KCNK16: variants seen among roughly 807,000 people sequenced by gnomAD.
KCNK16 encodes the protein potassium two pore domain channel subfamily K member 16.
In KCNK16, 23 loss-of-function variants were observed where a neutral mutation model predicts 23.0. The observed-to-expected ratio is 1.00, with a 90% CI of 0.72 to 1.41. The LOEUF (loss-of-function observed/expected upper bound fraction) is 1.41, where lower values mean the gene tolerates loss of function less well. Among genes scored for constraint, KCNK16 ranks in the 40% most tolerant of loss-of-function variants. The pLI, the probability that KCNK16 is intolerant of heterozygous loss-of-function variation, is 0.00. For missense variants in KCNK16, 327 were observed against 365.8 expected, an observed-to-expected ratio of 0.89 and a Z score of 0.87; for synonymous variants, 145 against 153.5, an observed-to-expected ratio of 0.94 and a Z score of 0.41.
At chr6:39,314,832 T>G, downstream of KCNK16, 1 of 680,578 alleles carries the variant, frequency 1.5e-6, no homozygotes, top group Non-Finnish European at 2.5e-6. Flanking sequence ...GTCCTTTCCT[T>G]TGTACCCCAA....
downstream of KCNK16, chr6:39,315,301 C>T: frequency 6.4e-7 from 1 of 1,560,336 alleles, no homozygotes; most frequent in African/African-American, 1.4e-5. Context: ...CTGAGAGAGG[C>T]CAGACGTTCA....
intron 3 of KCNK16, 21 bp downstream of exon 3, chr6:39,317,765 T>A (rs1050368619): frequency 9.7e-6 from 15 of 1,553,214 alleles, no homozygotes; most frequent in Non-Finnish European, 1.3e-5. Flanking sequence ...AGCAGGCCTG[T>A]AAGGGAGTTA....
chr6:39,316,453 AG>A lies in KCNK16; in HGVS notation c.662-12del, dbSNP rs1232411223. 1 of 1,589,436 alleles carries A rather than the reference AG, an allele frequency of 6.3e-7. No individual in the cohort carries two copies. The highest frequency in any genetic ancestry group is 8.6e-7 in the Non-Finnish European group (1 of 1,163,842). ...TGCTGGGGTCTGTGCCTGCCAGGGA[AG>A]GGAATGGCATCAATGCCAGGGGTCT... is the stretch of plus-strand genomic sequence containing the variant. On this transcript the variant is annotated splice_polypyrimidine_tract_variant and intron_variant, in intron 4 of 4. Transcript: ENST00000437525.
chr6:39,316,091 C>T, downstream of KCNK16: 3 of 1,345,894 alleles, frequency 2.2e-6, no homozygotes, highest in Non-Finnish European at 2.9e-6. Context: ...CTTGGGAGAG[C>T]TCCTGAGACC....
chr6:39,322,089 A>G (rs1227008845), intron 1 of KCNK16, among the ~76,000 whole-genome samples: 1 of 152,224 alleles, frequency 6.6e-6, no homozygotes, highest in Non-Finnish European at 1.5e-5. Context: ...GTTGCCTTAT[A>G]GATGAGGCTG....
downstream of KCNK16, chr6:39,316,095 T>C: frequency 7.3e-7 from 1 of 1,377,548 alleles, no homozygotes. Flanking sequence ...GGAGAGCTCC[T>C]GAGACCAGCC....
chr6:39,316,602 C>T (rs113213779), intron 4 of KCNK16, among the ~76,000 whole-genome samples, 160 bp from the exon 5 acceptor site: 2,751 of 152,244 alleles, frequency 0.018, 34 homozygotes, highest in Non-Finnish European at 0.028. Flanking sequence ...GGGTCCTAGA[C>T]CAGAAACTTC....
intron 1 of KCNK16, among the ~76,000 whole-genome samples, chr6:39,321,015 T>C (rs1028999991): frequency 6.6e-6 from 1 of 152,206 alleles, no homozygotes; most frequent in African/African-American, 2.4e-5. Context: ...TCCTGGTCTC[T>C]CACAGCTACA....
upstream of KCNK16, chr6:39,322,899 G>T (rs541610485): frequency 4.4e-5 from 11 of 252,276 alleles, no homozygotes; most frequent in Non-Finnish European, 7.9e-5. Flanking sequence ...AATCGGATAG[G>T]TGTGCTCACT....
rs752973287 is a variant in KCNK16, at chr6:39,316,855, G to C, written c.588C>G (p.Gly196=). The C allele has an allele frequency of 6.2e-7, 1 of 1,613,992 alleles. No individual in the cohort carries two copies. Among genetic ancestry groups the C allele is most frequent in the Non-Finnish European group, 8.5e-7 (1 of 1,180,018 alleles). ...FPPMVFSHVE[G]WSFSEGFYFA... Reference sequence around the variant, plus strand: ...AGTAGAAGCCCTCGCTGAAGCTCCAGCCCTCCACATGGCTGAAGACCATGG... The same window carrying C: ...AGTAGAAGCCCTCGCTGAAGCTCCACCCCTCCACATGGCTGAAGACCATGG... Residue 196 remains glycine (G), a synonymous_variant, in exon 4 of 5, where the codon GGC becomes GGG. Coordinates refer to ENST00000437525, the MANE Select transcript of KCNK16 (RefSeq NM_001135106.2).
Position 39,322,640 on chromosome 6 carries a change from G to GCCTGC in KCNK16, c.-105_-101dup. ...CCTAGGGGCCTGTGCCCAGGCTGCC[G>GCCTGC]CCTGCCCTGCCCTCCTCCTCGGCAC... On this transcript the variant is annotated 5_prime_UTR_variant, in exon 1 of 5. Transcript: ENST00000437525. The GCCTGC allele has an allele frequency of 6.8e-7, 1 of 1,461,346 alleles. No homozygotes were observed. Among genetic ancestry groups the GCCTGC allele is most frequent in the South Asian group, 1.4e-5 (1 of 72,774 alleles). The allele number at this position is 1,461,346 out of a possible 1,614,324, so 90.5% of individuals were successfully genotyped here.
rs758317121 is a variant in KCNK16 at position 39,322,546 on chromosome 6, G to T, written c.-6C>A. The T allele has an allele frequency of 6.3e-7, 1 of 1,588,140 alleles. No homozygotes were observed. The highest frequency in any genetic ancestry group is 2.3e-5 in the East Asian group (1 of 43,884). The stretch of plus-strand genomic sequence containing the variant: ...CAGAGCCCAGCACTGGGCATGCTGT[G>T]GCCAGGACCCTGCCAGGGCCGTGGG... On this transcript the variant is annotated 5_prime_UTR_variant, in exon 1 of 5. Transcript: ENST00000437525.
At chr6:39,314,639 C>G (rs2113845584), downstream of KCNK16, 1 of 416,714 alleles carries the variant, frequency 2.4e-6, no homozygotes, top group Non-Finnish European at 4.2e-6. Context: ...GGGCCCAGAG[C>G]CCCCTCACAT....
At chr6:39,316,523 C>T (rs1562088340) in intron 4 of KCNK16, 81 bp from the exon 5 acceptor site, 5 of 1,470,442 alleles carry the variant, frequency 3.4e-6, no homozygotes, top group Non-Finnish European at 4.6e-6. Context: ...CCTCACCAGC[C>T]AGGATGCTCT....
At chr6:39,315,080 C>G (rs868550766), downstream of KCNK16, 3 of 1,614,098 alleles carry the variant, frequency 1.9e-6, no homozygotes, top group Non-Finnish European at 2.5e-6. Flanking sequence ...TAGAGCCTCT[C>G]CTGGGTCTCC....
chr6:39,322,429 G>C lies in KCNK16; in HGVS notation c.112C>G (p.Gln38Glu). The C allele has an allele frequency of 6.2e-7, 1 of 1,614,218 alleles. No individual in the cohort carries two copies. The highest frequency in any genetic ancestry group is 1.1e-5 in the South Asian group (1 of 91,086). ...GATIFQLLER[Q>E]AEAQSRDQFQ... ...TGGTCCCTGGACTGAGCCTCCGCCTGCCTCTCTAGCAGCTGGAAGATAGTG... is the reference window on the plus strand; with the variant it reads ...TGGTCCCTGGACTGAGCCTCCGCCTCCCTCTCTAGCAGCTGGAAGATAGTG... The change falls in exon 1 of 5, where the codon CAG (glutamine) becomes GAG (glutamate). Residue 38 changes from glutamine to glutamate, a missense_variant. By Grantham distance (29) the Gln-to-Glu change is conservative. Coordinates refer to ENST00000437525, the MANE Select transcript of KCNK16 (RefSeq NM_001135106.2).
chr6:39,314,645 C>T (rs113957731), downstream of KCNK16: 3 of 416,036 alleles, frequency 7.2e-6, no homozygotes, highest in African/African-American at 4.1e-5. Context: ...AGAGCCCCCT[C>T]ACATTTCCTG....
intron 2 of KCNK16, 31 bp downstream of exon 2, chr6:39,318,988 G>A (rs1191999235): frequency 1.4e-6 from 2 of 1,465,046 alleles, no homozygotes; most frequent in African/African-American, 1.4e-5. Flanking sequence ...CAGGGGCCTT[G>A]GGGAAGCTCT....
chr6:39,316,838 C>G lies in KCNK16; in HGVS notation c.605G>C (p.Gly202Ala). The G allele has an allele frequency of 6.2e-7, 1 of 1,614,064 alleles. No homozygotes were observed. The highest frequency in any genetic ancestry group is 8.5e-7 in the Non-Finnish European group (1 of 1,179,994). Residue 202 changes from glycine to alanine, a missense_variant, in exon 4 of 5, where the codon GGC (glycine) becomes GCC (alanine). Gly to Ala is a moderately conservative substitution (Grantham distance 60, BLOSUM62 0). Coordinates refer to ENST00000437525, the MANE Select transcript of KCNK16 (RefSeq NM_001135106.2). Reference sequence around the variant, plus strand: ...GAGAGTGATGAAAGCAAAGTAGAAGCCCTCGCTGAAGCTCCAGCCCTCCAC... The same window carrying G: ...GAGAGTGATGAAAGCAAAGTAGAAGGCCTCGCTGAAGCTCCAGCCCTCCAC... ...SHVEGWSFSE[G>A]FYFAFITLST...
Sources: allele counts gnomAD v4.1 joint callset (sites outside exome capture counted in the v4.1 genomes callset), GRCh38; gene constraint gnomAD v4.1.1; transcripts MANE v1.5; gene names NCBI Gene and HGNC (gene_info 2026-07-23, HGNC 2026-07-21).